Variants in TRIM24 observed in about 807,000 individuals in gnomAD.
TRIM24 encodes the protein tripartite motif containing 24, also known as transcription intermediary factor 1-alpha.
TRIM24 carries 29 observed loss-of-function variants against 123.9 expected under a neutral mutation model. The observed-to-expected ratio is 0.23, with a 90% CI of 0.17 to 0.32. The LOEUF (loss-of-function observed/expected upper bound fraction) is 0.32, where lower values mean the gene tolerates loss of function less well. Ranked by LOEUF, TRIM24 falls within the 10% of genes least tolerant of loss-of-function variation. The pLI, the probability that TRIM24 is intolerant of heterozygous loss-of-function variation, is 1.00. For synonymous variants in TRIM24, 456 were observed against 461.1 expected, an observed-to-expected ratio of 0.99 and a Z score of 0.14; for missense variants, 932 against 1,295.3, an observed-to-expected ratio of 0.72 and a Z score of 4.31.
At chr7:138,509,817 T>A (rs1026796002) in intron 2 of TRIM24, among the ~76,000 whole-genome samples, 3 of 152,134 alleles carry the variant, frequency 2.0e-5, no homozygotes, top group African/African-American at 7.2e-5. Context: ...GTAGCAACTT[T>A]GAGAAGCAGC....
Position 138,501,440 on chromosome 7 carries a change from A to C in TRIM24, c.365-2850A>C, listed in dbSNP as rs555521863. On this transcript the variant is annotated intron_variant, in intron 1 of 18. Coordinates refer to ENST00000343526, the MANE Select transcript of TRIM24 (RefSeq NM_015905.3). ...GAGACGGGGTTTCCCCATATTGACC[A>C]GGCTGGTCTTGAACTCCTGACCTCA... Among the ~76,000 whole-genome samples, 9 of 152,060 alleles carry C rather than the reference A, an allele frequency of 5.9e-5. No homozygotes were observed. In the South Asian group the frequency reaches 1.7e-3, roughly 28 times the overall value.
Position 138,553,010 on chromosome 7 carries a change from C to T in TRIM24, c.1262-1688C>T, listed in dbSNP as rs79284806. Among the ~76,000 whole-genome samples, 405 of 152,152 alleles carry T rather than the reference C, an allele frequency of 2.7e-3. 5 individuals carry two copies. Among genetic ancestry groups the T allele is most frequent in the African/African-American group, 9.2e-3 (383 of 41,502 alleles). On this transcript the variant is annotated intron_variant, in intron 8 of 18. Coordinates refer to ENST00000343526, the MANE Select transcript of TRIM24 (RefSeq NM_015905.3). ...ATACACCCACATATAGACATAAGTA[C>T]ATTTAAGAATTATATTTAAAACTGT... is the stretch of plus-strand genomic sequence containing the variant.
At position 138,586,110 on chromosome 7, in the gene TRIM24, G is replaced by A; in HGVS notation, c.*1159G>A. The A allele has an allele frequency of 2.7e-6, 1 of 368,372 alleles. No homozygotes were observed. The highest frequency in any genetic ancestry group is 5.3e-6 in the Non-Finnish European group (1 of 187,350). The allele number at this position is 368,372 out of a possible 1,614,324, so 22.8% of individuals were successfully genotyped here. The stretch of plus-strand genomic sequence containing the variant: ...TTTATTCTTCTGATTGATTGATAGA[G>A]GTACAAAAGACTTATCTTCTGAGGA... On this transcript the variant is annotated 3_prime_UTR_variant, in exon 19 of 19. Coordinates refer to ENST00000343526, the MANE Select transcript of TRIM24 (RefSeq NM_015905.3).
At chr7:138,501,817 G>A (rs145764576) in intron 1 of TRIM24, among the ~76,000 whole-genome samples, 3,185 of 151,860 alleles carry the variant, frequency 0.021, 91 homozygotes, top group African/African-American at 0.07. Flanking sequence ...GAACCAGGGA[G>A]GCAGAGGTTG....
rs1446955196 is a variant in TRIM24 at position 138,525,300 on chromosome 7, C to T, written c.824C>T (p.Thr275Ile). ...AAAGTGATCATAGATACACTAATCA[C>T]CAAACTGATGGAAAAAACAAAATAC... ...NQKVIIDTLI[T>I]KLMEKTKYIK... Residue 275 changes from threonine to isoleucine, a missense_variant, in exon 5 of 19, where the codon ACC becomes ATC. Coordinates refer to ENST00000343526, the MANE Select transcript of TRIM24 (RefSeq NM_015905.3). The T allele has an allele frequency of 6.6e-7, 1 of 1,518,236 alleles. No individual in the cohort carries two copies. Among genetic ancestry groups the T allele is most frequent in the East Asian group, 2.6e-5 (1 of 39,208 alleles). 94.0% of individuals were successfully genotyped at this position (1,518,236 alleles called of 1,614,324 possible). A position where few individuals can be genotyped will look rare whatever the true frequency, so the allele number is the denominator to read the frequency against.
Position 138,555,009 on chromosome 7 carries a change from T to C in TRIM24, c.1530+43T>C, listed in dbSNP as rs950492964. The stretch of plus-strand genomic sequence containing the variant: ...CCTGTCCTCACTTAGATAATTATAG[T>C]ATAATTGTGTTTAGCAGCTCAAAAT... On this transcript the variant is annotated intron_variant, in intron 9 of 18. Coordinates refer to ENST00000343526, the MANE Select transcript of TRIM24 (RefSeq NM_015905.3). 4 of 1,572,776 alleles carry C rather than the reference T, an allele frequency of 2.5e-6. No individual in the cohort carries two copies. In the African/African-American group the frequency reaches 5.4e-5, roughly 21 times the overall value.
At chr7:138,485,055 A>T (rs1233132043) in intron 1 of TRIM24, among the ~76,000 whole-genome samples, 1 of 151,972 alleles carries the variant, frequency 6.6e-6, no homozygotes. Context: ...TGCTGATTTT[A>T]TAGGCCTTCC....
At chr7:138,544,597 C>T (rs1483270398) in intron 7 of TRIM24, among the ~76,000 whole-genome samples, 1 of 152,202 alleles carries the variant, frequency 6.6e-6, no homozygotes, top group Non-Finnish European at 1.5e-5. Context: ...ATATCGTTAT[C>T]CGTAGTGGTT....
At chr7:138,510,503 C>T (rs753489953) in intron 2 of TRIM24, among the ~76,000 whole-genome samples, 1 of 152,058 alleles carries the variant, frequency 6.6e-6, no homozygotes, top group Non-Finnish European at 1.5e-5. Flanking sequence ...CTCACTGCAA[C>T]CTCCACCTCC....
intron 6 of TRIM24, among the ~76,000 whole-genome samples, chr7:138,533,942 G>T (rs1214147746): frequency 2.0e-5 from 3 of 152,076 alleles, no homozygotes; most frequent in Non-Finnish European, 4.4e-5. Context: ...GTTTAGTCTT[G>T]GGTGGGTGTA....
intron 1 of TRIM24, among the ~76,000 whole-genome samples, chr7:138,467,348 T>TGTTTTGTTTTGTTTA (rs1554430187): frequency 2.0e-5 from 3 of 151,492 alleles, no homozygotes; most frequent in Non-Finnish European, 2.9e-5. Flanking sequence ...TGTTTTGTTT[T>TGTTTTGTTTTGTTTA]GTTTTGTTTT....
rs185798887 is a variant in TRIM24 at position 138,479,861 on chromosome 7, C to T, written c.364+18949C>T. 2.2e-3 allele frequency among the ~76,000 whole-genome samples: 328 copies of T among 151,106 alleles called. 2 individuals carry two copies. Among genetic ancestry groups the T allele is most frequent in the African/African-American group, 7.4e-3 (304 of 41,146 alleles). Reference sequence around the variant, plus strand: ...TGAGACAGAGTTTTGCTCTTGTTGCCCAGACTGGAGTGCAATGGTGCGAGC... The same window carrying T: ...TGAGACAGAGTTTTGCTCTTGTTGCTCAGACTGGAGTGCAATGGTGCGAGC... On this transcript the variant is annotated intron_variant, in intron 1 of 18. Coordinates refer to ENST00000343526, the MANE Select transcript of TRIM24 (RefSeq NM_015905.3).
chr7:138,512,929 A>C (rs558875816), intron 2 of TRIM24, among the ~76,000 whole-genome samples: 1 of 152,270 alleles, frequency 6.6e-6, no homozygotes, highest in African/African-American at 2.4e-5. Context: ...TCTAAGTTCC[A>C]ACTTCAGGTC....
intron 7 of TRIM24, among the ~76,000 whole-genome samples, chr7:138,548,428 A>C (rs936792058): frequency 2.0e-5 from 3 of 152,106 alleles, no homozygotes; most frequent in Non-Finnish European, 2.9e-5. Flanking sequence ...AAAAAAAAAA[A>C]AACAGTATAC....
At position 138,533,610 on chromosome 7, in the gene TRIM24, G is replaced by A. The variant is rs191998626; in HGVS notation, c.996+4380G>A. 1.4e-3 allele frequency among the ~76,000 whole-genome samples: 209 copies of A among 152,264 alleles called. No homozygotes were observed. The Middle Eastern group carries it at 0.017, about 12-fold the overall frequency. On this transcript the variant is annotated intron_variant, in intron 6 of 18. Coordinates refer to ENST00000343526, the MANE Select transcript of TRIM24 (RefSeq NM_015905.3). ...AGCTTTTTGATGTGCTGCTGGATTC[G>A]ATTTGCCAGTATTTTATTGAGGATT... is the stretch of plus-strand genomic sequence containing the variant.
intron 11 of TRIM24, among the ~76,000 whole-genome samples, chr7:138,572,818 T>C (rs561246894): frequency 5.3e-5 from 8 of 152,354 alleles, no homozygotes; most frequent in African/African-American, 1.9e-4. Flanking sequence ...TATTAAACTC[T>C]TACTCATTAG....
intron 1 of TRIM24, among the ~76,000 whole-genome samples, chr7:138,467,094 T>A (rs1388640885): frequency 2.0e-5 from 3 of 152,226 alleles, no homozygotes; most frequent in Non-Finnish European, 4.4e-5. Flanking sequence ...GTGTGGTCTG[T>A]TCTTTATTGA....
At chr7:138,511,619 C>T (rs1417050056) in intron 2 of TRIM24, among the ~76,000 whole-genome samples, 2 of 152,122 alleles carry the variant, frequency 1.3e-5, no homozygotes, top group African/African-American at 4.8e-5. Flanking sequence ...GAACACATCT[C>T]CATGTGAACT....
intron 1 of TRIM24, among the ~76,000 whole-genome samples, chr7:138,470,278 G>A (rs1304063962): frequency 1.3e-5 from 2 of 151,900 alleles, no homozygotes; most frequent in East Asian, 1.9e-4. Context: ...GCATAGGCGT[G>A]TGCCACCACA....
Sources: allele counts gnomAD v4.1 joint callset (sites outside exome capture counted in the v4.1 genomes callset), GRCh38; gene constraint gnomAD v4.1.1; transcripts MANE v1.5; gene names NCBI Gene and HGNC (gene_info 2026-07-23, HGNC 2026-07-21).